FCGR1A: variants seen among roughly 807,000 people sequenced by gnomAD.
FCGR1A encodes the protein Fc gamma receptor Ia, also known as high affinity immunoglobulin gamma Fc receptor I.
FCGR1A carries 13 observed loss-of-function variants against 35.0 expected under a neutral mutation model. The observed-to-expected ratio is 0.37, with a 90% CI of 0.24 to 0.59. The LOEUF (loss-of-function observed/expected upper bound fraction) is 0.59, where lower values mean the gene tolerates loss of function less well. Among genes scored for constraint, FCGR1A ranks in the 20% least tolerant of loss-of-function variants. FCGR1A has a pLI of 0.71. For synonymous variants in FCGR1A, 91 were observed against 164.7 expected (o/e 0.55, Z 3.43); for missense variants, 227 against 430.0 (o/e 0.53, Z 4.17).
chr1:149,796,295 A>G (rs1430358021), downstream of FCGR1A, among the ~76,000 whole-genome samples: 8 of 152,198 alleles, frequency 5.3e-5, no homozygotes, highest in Admixed American at 5.2e-4. Context: ...ATAATATGGG[A>G]GTTAATGGAG....
At chr1:149,792,504 G>T, downstream of FCGR1A, 3 of 1,108,948 alleles carry the variant, frequency 2.7e-6, no homozygotes, top group Non-Finnish European at 3.4e-6. Context: ...AAAAAAACAG[G>T]AGGAGTATGA....
chr1:149,785,830 A>C (rs587710834), intron 3 of FCGR1A: 37 of 152,188 alleles, frequency 2.4e-4, no homozygotes, highest in African/African-American at 8.4e-4. Flanking sequence ...TCCACCCCTG[A>C]CACTGACTTC....
intron 5 of FCGR1A, among the ~76,000 whole-genome samples, chr1:149,790,876 A>G (rs1553751740): frequency 3.9e-5 from 6 of 152,044 alleles, no homozygotes; most frequent in Non-Finnish European, 1.5e-5. Context: ...TCTCTATTTA[A>G]CTGAGGCAGA....
chr1:149,796,502 C>T (rs1410266114), downstream of FCGR1A, among the ~76,000 whole-genome samples: 2 of 152,092 alleles, frequency 1.3e-5, no homozygotes, highest in Admixed American at 6.6e-5. Flanking sequence ...AAAAATACTT[C>T]GAAGAGGAGA....
chr1:149,798,878 G>A, the FCGR1A span, among the ~76,000 whole-genome samples: 2 of 151,780 alleles, frequency 1.3e-5, no homozygotes, highest in African/African-American at 2.4e-5. Context: ...TTCCCAAAGT[G>A]CCAGGATTAC....
rs1553751836 is a variant in FCGR1A, at chr1:149,791,325, G to A, written c.933G>A (p.Val311=). 1.3e-6 allele frequency: 2 copies of A among 1,594,782 alleles called. No individual in the cohort carries two copies. The highest frequency in any genetic ancestry group is 3.4e-5 in the Admixed American group (2 of 59,360). The part of the protein sequence containing the change: ...IMFLVNTVLW[V]TIRKELKRKK... ...TTTTAGTGAACACTGTTCTCTGGGTGACAATACGTAAAGAACTGAAAAGAA... is the reference window on the plus strand; with the variant it reads ...TTTTAGTGAACACTGTTCTCTGGGTAACAATACGTAAAGAACTGAAAAGAA... Residue 311 remains valine, a synonymous_variant, in exon 6 of 6, where the codon GTG becomes GTA. Coordinates refer to ENST00000369168, the MANE Select transcript of FCGR1A (RefSeq NM_000566.4).
At chr1:149,786,283 C>G (rs2091547837) in intron 3 of FCGR1A, 1 of 152,040 alleles carries the variant, frequency 6.6e-6, no homozygotes, top group Non-Finnish European at 1.5e-5. Flanking sequence ...TTTCTATTGT[C>G]TGTCTTTTTC....
chr1:149,800,607 T>C, the FCGR1A span, among the ~76,000 whole-genome samples: 4 of 142,206 alleles, frequency 2.8e-5, no homozygotes. Context: ...TATTTCATAA[T>C]AGCACAATCT....
At chr1:149,799,950 A>G in the FCGR1A span, among the ~76,000 whole-genome samples, 1 of 151,942 alleles carries the variant, frequency 6.6e-6, no homozygotes, top group Non-Finnish European at 1.5e-5. Context: ...CTCCAATTCA[A>G]TTTTTACACT....
intron 3 of FCGR1A, among the ~76,000 whole-genome samples, chr1:149,784,700 CTATATATATA>C (rs34346480): frequency 2.1e-5 from 3 of 146,222 alleles, no homozygotes; most frequent in Admixed American, 6.9e-5. Context: ...TATATATAAA[CTATATATATA>C]TATATATATA....
At chr1:149,797,803 G>A in the FCGR1A span, among the ~76,000 whole-genome samples, 1 of 152,166 alleles carries the variant, frequency 6.6e-6, no homozygotes, top group Non-Finnish European at 1.5e-5. Flanking sequence ...CTGCCATGTT[G>A]TCCAGGCTGG....
chr1:149,792,625 G>A (rs587694196), downstream of FCGR1A: 5 of 1,250,812 alleles, frequency 4.0e-6, no homozygotes, highest in Admixed American at 2.6e-5. Flanking sequence ...CACTGTGGCC[G>A]CATGTGCATA....
downstream of FCGR1A, among the ~76,000 whole-genome samples, chr1:149,793,629 C>T (rs1553752482): frequency 6.6e-6 from 1 of 151,756 alleles, no homozygotes; most frequent in Non-Finnish European, 1.5e-5. Context: ...TTGGGCCCAT[C>T]CTTCAATCCG....
chr1:149,792,298 G>A (rs1485260747), downstream of FCGR1A: 10 of 236,874 alleles, frequency 4.2e-5, no homozygotes, highest in Admixed American at 5.0e-4. Context: ...GGGGAGAAGC[G>A]GCGATACCAT....
chr1:149,789,163 T>A (rs1241131415), intron 4 of FCGR1A, among the ~76,000 whole-genome samples: 12 of 150,918 alleles, frequency 8.0e-5, no homozygotes, highest in Non-Finnish European at 1.3e-4. Flanking sequence ...CCTTTCTCTG[T>A]CTGAGAAAAA....
the FCGR1A span, among the ~76,000 whole-genome samples, chr1:149,797,743 G>A: frequency 3.9e-5 from 6 of 152,260 alleles, no homozygotes; most frequent in South Asian, 6.2e-4. Context: ...AACTATAGGC[G>A]TGCACCACGA....
downstream of FCGR1A, chr1:149,792,755 A>G: frequency 2.3e-6 from 3 of 1,283,408 alleles, no homozygotes; most frequent in Non-Finnish European, 3.0e-6. Context: ...ACCCAGTGAG[A>G]AATTATTTGC....
At chr1:149,793,638 C>T (rs1176163270), downstream of FCGR1A, among the ~76,000 whole-genome samples, 3 of 151,786 alleles carry the variant, frequency 2.0e-5, no homozygotes, top group East Asian at 5.8e-4. Flanking sequence ...TCCTTCAATC[C>T]GAGAGCTTCC....
chr1:149,797,656 G>A, the FCGR1A span, among the ~76,000 whole-genome samples: 1 of 152,132 alleles, frequency 6.6e-6, no homozygotes, highest in Admixed American at 6.5e-5. Context: ...GGAGTGCAGT[G>A]GCATGATCTC....
Sources: allele counts gnomAD v4.1 joint callset (sites outside exome capture counted in the v4.1 genomes callset), GRCh38; gene constraint gnomAD v4.1.1; transcripts MANE v1.5; gene names NCBI Gene and HGNC (gene_info 2026-07-23, HGNC 2026-07-21).